ASTN1: variants seen among roughly 807,000 people sequenced by gnomAD.
The protein encoded by ASTN1 is astrotactin 1, also known as astrotactin-1.
Under a neutral mutation model 140.7 loss-of-function variants are expected in ASTN1, and 41 were observed. That is an observed-to-expected ratio of 0.29 (90% CI 0.23 to 0.38). The LOEUF (loss-of-function observed/expected upper bound fraction) is 0.38. Among genes scored for constraint, ASTN1 ranks in the 10% least tolerant of loss-of-function variants. The pLI is 1.00. For missense variants in ASTN1, 1,479 were observed against 1,678.8 expected (o/e 0.88, Z 2.08); for synonymous variants, 640 against 652.2 (o/e 0.98, Z 0.29).
chr1:176,955,856 T>A (rs1672377299), intron 11 of ASTN1, among the ~76,000 whole-genome samples: 1 of 152,210 alleles, frequency 6.6e-6, no homozygotes, highest in Admixed American at 6.5e-5. Flanking sequence ...CTGCAGTGGC[T>A]ACAGAGAGTA....
chr1:177,073,628 C>G (rs1000302228), intron 1 of ASTN1, among the ~76,000 whole-genome samples: 11 of 148,822 alleles, frequency 7.4e-5, no homozygotes, highest in African/African-American at 2.8e-4. Flanking sequence ...CACCTACTTC[C>G]TACTGATTAT....
chr1:176,985,938 C>T (rs1401753829), intron 8 of ASTN1, among the ~76,000 whole-genome samples: 1 of 150,484 alleles, frequency 6.6e-6, no homozygotes, highest in African/African-American at 2.5e-5. Context: ...CTGAGGTGGC[C>T]AGCACCAGCA....
At chr1:177,031,489 A>C (rs1026057294) in intron 3 of ASTN1, among the ~76,000 whole-genome samples, 2 of 152,184 alleles carry the variant, frequency 1.3e-5, no homozygotes, top group Non-Finnish European at 2.9e-5. Context: ...GCACTACACC[A>C]GGTGTTATGG....
intron 8 of ASTN1, among the ~76,000 whole-genome samples, chr1:177,012,848 T>C (rs1675360477): frequency 6.6e-6 from 1 of 152,182 alleles, no homozygotes; most frequent in Admixed American, 6.5e-5. Context: ...TGAAATATTT[T>C]GTCATTGTTT....
At chr1:176,890,447 A>G (rs1294794943) in intron 17 of ASTN1, among the ~76,000 whole-genome samples, 1 of 152,194 alleles carries the variant, frequency 6.6e-6, no homozygotes, top group Non-Finnish European at 1.5e-5. Context: ...ATCAATGGAA[A>G]AAAAGGTGGG....
At chr1:176,997,123 A>G (rs1222213886) in intron 8 of ASTN1, among the ~76,000 whole-genome samples, 1 of 152,164 alleles carries the variant, frequency 6.6e-6, no homozygotes. Flanking sequence ...ATTCTTACAG[A>G]AATAATCATC....
At chr1:177,131,632 C>T (rs1681946557) in intron 1 of ASTN1, among the ~76,000 whole-genome samples, 1 of 151,948 alleles carries the variant, frequency 6.6e-6, no homozygotes, top group Non-Finnish European at 1.5e-5. Flanking sequence ...AAAAATTAGG[C>T]TTTAAAAGAG....
chr1:176,976,875 C>T (rs930219661), intron 8 of ASTN1: 1 of 152,252 alleles, frequency 6.6e-6, no homozygotes, highest in Non-Finnish European at 1.5e-5. Context: ...AGGACAAGAG[C>T]TTGGCAATGG....
intron 1 of ASTN1, among the ~76,000 whole-genome samples, chr1:177,101,452 C>A (rs76919411): frequency 0.03 from 4,625 of 152,170 alleles, 114 homozygotes; most frequent in East Asian, 0.11. Flanking sequence ...AGAAACCATG[C>A]CCACAAAAAG....
chr1:177,137,976 C>T (rs1237229434), intron 1 of ASTN1, among the ~76,000 whole-genome samples: 1 of 152,070 alleles, frequency 6.6e-6, no homozygotes, highest in Non-Finnish European at 1.5e-5. Flanking sequence ...GAGAAGGTGC[C>T]ATCCAGGGTA....
At chr1:177,066,317 A>G (rs1333801318) in intron 1 of ASTN1, among the ~76,000 whole-genome samples, 1 of 152,210 alleles carries the variant, frequency 6.6e-6, no homozygotes, top group African/African-American at 2.4e-5. Context: ...AAGATAATTT[A>G]GAGCTTCTGC....
intron 14 of ASTN1, among the ~76,000 whole-genome samples, chr1:176,943,410 T>C (rs1268868707): frequency 6.6e-6 from 1 of 152,204 alleles, no homozygotes; most frequent in African/African-American, 2.4e-5. Flanking sequence ...TATTGTCTAA[T>C]GGCACACAGC....
intron 5 of ASTN1, among the ~76,000 whole-genome samples, chr1:177,028,416 A>T (rs1441070582): frequency 1.3e-5 from 2 of 152,294 alleles, no homozygotes; most frequent in East Asian, 3.9e-4. Context: ...TGATGGAAAA[A>T]CTTTTATTAT....
intron 1 of ASTN1, among the ~76,000 whole-genome samples, chr1:177,151,481 C>T (rs574580303): frequency 6.6e-6 from 1 of 151,796 alleles, no homozygotes. Context: ...GACTGCCCTT[C>T]CCCTTCCTGT....
chr1:177,146,321 G>C (rs559070470), intron 1 of ASTN1, among the ~76,000 whole-genome samples: 94 of 152,300 alleles, frequency 6.2e-4, no homozygotes, highest in African/African-American at 2.3e-3. Context: ...TATTTTAATA[G>C]CCACCTCAGA....
intron 17 of ASTN1, among the ~76,000 whole-genome samples, 185 bp downstream of exon 17, chr1:176,894,377 G>T (rs915166589): frequency 1.3e-5 from 2 of 152,230 alleles, no homozygotes; most frequent in African/African-American, 4.8e-5. Context: ...TAGATGCAAT[G>T]ATTTGAATTA....
At chr1:176,989,665 G>A (rs1002480347) in intron 8 of ASTN1, among the ~76,000 whole-genome samples, 33 of 152,170 alleles carry the variant, frequency 2.2e-4, no homozygotes, top group African/African-American at 3.4e-4. Context: ...GAGAGAAGAC[G>A]AAGAAGAGAA....
intron 15 of ASTN1, 136 bp from the exon 16 acceptor site, chr1:176,934,476 G>A (rs560246840): frequency 1.6e-5 from 13 of 807,552 alleles, no homozygotes; most frequent in Admixed American, 3.1e-5. Flanking sequence ...AGAAGTGTCT[G>A]GTGAATGTTT....
At chr1:176,915,397 C>T (rs1036547214) in intron 16 of ASTN1, among the ~76,000 whole-genome samples, 1 of 152,166 alleles carries the variant, frequency 6.6e-6, no homozygotes, top group African/African-American at 2.4e-5. Flanking sequence ...CCAAACCCTC[C>T]TCCCCTCCTT....
Sources: gnomAD v4.1 joint callset for allele counts (sites outside exome capture counted in the v4.1 genomes callset) on GRCh38, gnomAD v4.1.1 for gene constraint, MANE v1.5 for transcripts, NCBI Gene and HGNC (gene_info 2026-07-23, HGNC 2026-07-21) for gene names.